The following TANC1 variants were observed in gnomAD, a reference collection of about 807,000 sequenced individuals.
TANC1 encodes the protein tetratricopeptide repeat, ankyrin repeat and coiled-coil containing 1.
TANC1 carries 77 observed loss-of-function variants against 149.7 expected under a neutral mutation model. That is an observed-to-expected ratio of 0.51 (90% CI 0.43 to 0.62). TANC1 has a LOEUF of 0.62. Among genes scored for constraint, TANC1 ranks in the 20% least tolerant of loss-of-function variants. The probability of loss-of-function intolerance (pLI) is 0.00; values close to 1 mark genes in which losing one functional copy is unlikely to be tolerated. For synonymous variants in TANC1, 854 were observed against 925.0 expected, an observed-to-expected ratio of 0.92 and a Z score of 1.39; for missense variants, 1,985 against 2,321.8, an observed-to-expected ratio of 0.85 and a Z score of 2.98.
intron 20 of TANC1, among the ~76,000 whole-genome samples, chr2:159,218,606 A>G (rs1388731305): frequency 6.6e-6 from 1 of 152,170 alleles, no homozygotes; most frequent in African/African-American, 2.4e-5. Context: ...TCCTGCTGGG[A>G]TGGTGGTGAT....
At chr2:159,117,230 T>C (rs1371984629) in intron 4 of TANC1, among the ~76,000 whole-genome samples, 1 of 152,160 alleles carries the variant, frequency 6.6e-6, no homozygotes, top group Non-Finnish European at 1.5e-5. Context: ...ACTTCTATTT[T>C]TAATAAAATT....
intron 3 of TANC1, among the ~76,000 whole-genome samples, chr2:159,069,765 CTTTTT>C (rs67843631): frequency 5.5e-5 from 6 of 109,364 alleles, no homozygotes; most frequent in Admixed American, 2.0e-4. Flanking sequence ...TATGTGCAAG[CTTTTT>C]TTTTTTTTTT....
At chr2:159,154,010 C>T (rs1230085356) in intron 7 of TANC1, among the ~76,000 whole-genome samples, 1 of 152,208 alleles carries the variant, frequency 6.6e-6, no homozygotes, top group Non-Finnish European at 1.5e-5. Context: ...CCCAATTACA[C>T]AGGGCCTGGA....
chr2:159,079,024 A>G (rs2043979238), intron 3 of TANC1, among the ~76,000 whole-genome samples: 1 of 152,198 alleles, frequency 6.6e-6, no homozygotes, highest in Non-Finnish European at 1.5e-5. Context: ...CCCATTAAGC[A>G]AGGAACAATA....
At chr2:159,082,126 C>T (rs568146193) in intron 3 of TANC1, among the ~76,000 whole-genome samples, 1 of 152,368 alleles carries the variant, frequency 6.6e-6, no homozygotes, top group Non-Finnish European at 1.5e-5. Flanking sequence ...CTCAGCCTCC[C>T]TAGTAAACAG....
intron 2 of TANC1, among the ~76,000 whole-genome samples, chr2:159,007,192 G>A (rs2037292417): frequency 7.2e-6 from 1 of 138,616 alleles, no homozygotes; most frequent in East Asian, 2.2e-4. Context: ...TGTTGCCCAG[G>A]CTACATTGCA....
Position 158,996,627 on chromosome 2 carries a change from T to C in TANC1, c.-125-4453T>C, listed in dbSNP as rs191930253. Among the ~76,000 whole-genome samples the C allele has an allele frequency of 7.9e-5, 12 of 152,368 alleles. No homozygotes were observed. In the East Asian group the frequency reaches 2.3e-3, roughly 29 times the overall value. On this transcript the variant is annotated intron_variant, in intron 1 of 26. Coordinates refer to ENST00000263635, the MANE Select transcript of TANC1 (RefSeq NM_033394.3). The stretch of plus-strand genomic sequence containing the variant: ...GCAGTGAACATTATTCTAGTTTTAT[T>C]GAATGACTTCCAGCAATTAACTGTG...
At chr2:159,079,388 A>G (rs2044034505) in intron 3 of TANC1, among the ~76,000 whole-genome samples, 1 of 127,912 alleles carries the variant, frequency 7.8e-6, no homozygotes, top group Non-Finnish European at 1.6e-5. Context: ...TGTGTTTCAG[A>G]CAGTGTGCTG....
At chr2:159,163,670 A>G in intron 8 of TANC1, 124 bp downstream of exon 8, 1 of 1,021,764 alleles carries the variant, frequency 9.8e-7, no homozygotes, top group South Asian at 1.7e-5. Context: ...TCAGGCACTT[A>G]CCTTTTCTAA....
chr2:159,012,127 A>G (rs992267001), intron 2 of TANC1, among the ~76,000 whole-genome samples: 2 of 152,338 alleles, frequency 1.3e-5, no homozygotes, highest in East Asian at 1.9e-4. Flanking sequence ...CTGGACCCCA[A>G]TCATAAATGC....
chr2:159,108,476 G>A (rs920115695), intron 4 of TANC1, among the ~76,000 whole-genome samples: 1 of 152,202 alleles, frequency 6.6e-6, no homozygotes, highest in South Asian at 2.1e-4. Flanking sequence ...AGAAATGAAT[G>A]TTTTCACCTC....
chr2:159,195,830 CA>C (rs1423636796), intron 17 of TANC1, among the ~76,000 whole-genome samples: 1 of 152,324 alleles, frequency 6.6e-6, no homozygotes, highest in Admixed American at 6.5e-5. Flanking sequence ...AGTGCTATGT[CA>C]GGGGGCTCTG....
rs776062900 is a variant in TANC1, at chr2:159,229,934, C to T, written c.4508C>T (p.Ser1503Leu). 5.6e-6 allele frequency: 9 copies of T among 1,613,954 alleles called. No homozygotes were observed. Among genetic ancestry groups the T allele is most frequent in the Admixed American group, 5.0e-5 (3 of 60,010 alleles). ...EGLQSKGRPV[S>L]PQSRAGIGKS... is the part of the protein sequence containing the mutation. Reference sequence around the variant, plus strand: ...TTACAGTCCAAAGGAAGGCCGGTATCGCCACAGAGCAGGGCAGGAATCGGC... The same window carrying T: ...TTACAGTCCAAAGGAAGGCCGGTATTGCCACAGAGCAGGGCAGGAATCGGC... Residue 1503 changes from serine to leucine, a missense_variant, in exon 27 of 27, where the codon TCG (serine) becomes TTG (leucine). Physicochemically the swap from Ser to Leu is moderately radical, Grantham distance 145. Transcript: ENST00000263635.
At chr2:159,215,416 C>T (rs750551496) in intron 19 of TANC1, among the ~76,000 whole-genome samples, 1 of 152,194 alleles carries the variant, frequency 6.6e-6, no homozygotes, top group Non-Finnish European at 1.5e-5. Context: ...TATGTGGCTC[C>T]TGGAGGTTAA....
At chr2:159,208,599 A>G (rs1052959492) in intron 19 of TANC1, among the ~76,000 whole-genome samples, 2 of 152,166 alleles carry the variant, frequency 1.3e-5, no homozygotes, top group Non-Finnish European at 2.9e-5. Context: ...CGGCAGAGGG[A>G]GCCACATTTT....
intron 3 of TANC1, among the ~76,000 whole-genome samples, chr2:159,070,979 C>A (rs936748022): frequency 6.6e-6 from 1 of 152,088 alleles, no homozygotes; most frequent in African/African-American, 2.4e-5. Context: ...AATTAAAGCT[C>A]ACAGTTGGTA....
At chr2:159,085,462 T>C (rs1387234528) in intron 3 of TANC1, among the ~76,000 whole-genome samples, 1 of 152,138 alleles carries the variant, frequency 6.6e-6, no homozygotes, top group Non-Finnish European at 1.5e-5. Flanking sequence ...AGCTTGATCA[T>C]CATTATTAGG....
intron 23 of TANC1, chr2:159,224,568 A>AGAG: frequency 1.6e-6 from 1 of 607,416 alleles, no homozygotes; most frequent in Non-Finnish European, 2.8e-6. Context: ...TGTGGAAAGC[A>AGAG]GAGGCTGGTG....
chr2:158,973,647 G>C (rs761375462), intron 1 of TANC1, among the ~76,000 whole-genome samples: 1 of 152,318 alleles, frequency 6.6e-6, no homozygotes, highest in Non-Finnish European at 1.5e-5. Flanking sequence ...GGGAGACAAA[G>C]TATCCCACAA....
Sources: gnomAD v4.1 joint callset for allele counts (sites outside exome capture counted in the v4.1 genomes callset) on GRCh38, gnomAD v4.1.1 for gene constraint, MANE v1.5 for transcripts, NCBI Gene and HGNC (gene_info 2026-07-23, HGNC 2026-07-21) for gene names.